Variants in SPATA17 observed in about 807,000 individuals in gnomAD.
The protein encoded by SPATA17 is spermatogenesis-associated protein 17.
SPATA17 carries 53 observed loss-of-function variants against 62.2 expected under a neutral mutation model. The ratio of observed to expected loss-of-function variants is 0.85; its 90% CI spans 0.68 to 1.07. The LOEUF (loss-of-function observed/expected upper bound fraction) is 1.07, where lower values mean the gene tolerates loss of function less well. Among genes scored for constraint, SPATA17 ranks in the 50% least tolerant of loss-of-function variants. The pLI is 0.00. For missense variants in SPATA17, 466 were observed against 425.5 expected, an observed-to-expected ratio of 1.10 and a Z score of -0.84; for synonymous variants, 146 against 146.8, an observed-to-expected ratio of 0.99 and a Z score of 0.04.
At chr1:217,683,631 G>A (rs144145988) in intron 5 of SPATA17, among the ~76,000 whole-genome samples, 21,013 of 151,884 alleles carry the variant, frequency 0.14, 1,534 homozygotes, top group Non-Finnish European at 0.16. Flanking sequence ...TAGTAGAGAC[G>A]GGGTTTCACC....
At position 217,669,051 on chromosome 1, in the gene SPATA17, A is replaced by G. The variant is rs776061835; in HGVS notation, c.259A>G (p.Met87Val). Residue 87 changes from methionine to valine, a missense_variant, in exon 4 of 11, where the codon ATG becomes GTG. Physicochemically the swap from Met to Val is conservative, Grantham distance 21 (BLOSUM62 1). Coordinates refer to ENST00000366933, the MANE Select transcript of SPATA17 (RefSeq NM_138796.4). The stretch of plus-strand genomic sequence containing the variant: ...TTCACAGGTAGCATATTATACTATG[A>G]TGATGAATCTCTACAATGCAATGGC... ...LTVQVAYYTM[M>V]MNLYNAMAVR... 6.2e-7 allele frequency: 1 copy of G among 1,611,838 alleles called. No individual in the cohort carries two copies. The highest frequency in any genetic ancestry group is 1.1e-5 in the South Asian group (1 of 90,576).
intron 9 of SPATA17, among the ~76,000 whole-genome samples, chr1:217,844,413 A>C (rs1050665155): frequency 6.6e-6 from 1 of 152,166 alleles, no homozygotes; most frequent in East Asian, 1.9e-4. Flanking sequence ...ATTTTGGCAC[A>C]TGCACCAAGG....
intron 1 of SPATA17, among the ~76,000 whole-genome samples, chr1:217,639,605 CAA>C (rs1326556025): frequency 2.6e-5 from 4 of 152,040 alleles, no homozygotes; most frequent in Admixed American, 1.3e-4. Flanking sequence ...TTAATTAAGA[CAA>C]ATTAATCTAG....
intron 4 of SPATA17, among the ~76,000 whole-genome samples, chr1:217,669,462 T>C (rs1485502648): frequency 6.6e-6 from 1 of 152,172 alleles, no homozygotes; most frequent in Non-Finnish European, 1.5e-5. Context: ...TTAGAAATTA[T>C]TCATATGATT....
At position 217,648,986 on chromosome 1, in the gene SPATA17, T is replaced by G; in HGVS notation, c.158+15T>G. ...GCATATATCAGGTATATTGCTTTTG[T>G]CATGGAAACCTCAGATATATCATAA... On this transcript the variant is annotated intron_variant, in intron 2 of 10. Transcript: ENST00000366933. 1 of 1,563,046 alleles carries G rather than the reference T, an allele frequency of 6.4e-7. No homozygotes were observed. The highest frequency in any genetic ancestry group is 1.4e-5 in the African/African-American group (1 of 73,376).
chr1:217,803,515 A>C (rs1186515664), intron 9 of SPATA17, among the ~76,000 whole-genome samples: 1 of 152,220 alleles, frequency 6.6e-6, no homozygotes, highest in Non-Finnish European at 1.5e-5. Context: ...ATAGGAATGA[A>C]TTTAACTAAG....
At chr1:217,826,069 C>T (rs1674994873) in intron 9 of SPATA17, among the ~76,000 whole-genome samples, 1 of 152,066 alleles carries the variant, frequency 6.6e-6, no homozygotes, top group Admixed American at 6.6e-5. Context: ...TAACAATATA[C>T]TACAGATGGG....
intron 9 of SPATA17, among the ~76,000 whole-genome samples, chr1:217,839,007 A>G (rs1005192456): frequency 1.3e-5 from 2 of 152,108 alleles, no homozygotes; most frequent in Non-Finnish European, 2.9e-5. Context: ...TCTAATATAA[A>G]TAAATAGGTG....
At position 217,770,933 on chromosome 1, in the gene SPATA17, G is replaced by A. The variant is rs1486549940; in HGVS notation, c.520-3401G>A. On this transcript the variant is annotated intron_variant, in intron 6 of 10. Coordinates refer to ENST00000366933, the MANE Select transcript of SPATA17 (RefSeq NM_138796.4). The stretch of plus-strand genomic sequence containing the variant: ...AAGTTCCCATGATGGAGAGTCTGAA[G>A]GGGGGAATTCAAGAAAAATATGTAT... Among the ~76,000 whole-genome samples the A allele has an allele frequency of 4.3e-5, 6 of 141,016 alleles. No individual in the cohort carries two copies. The East Asian group carries it at 1.3e-3, about 30-fold the overall frequency. 92.5% of individuals were successfully genotyped at this position (141,016 alleles called of 152,430 possible). A position where few individuals can be genotyped will look rare whatever the true frequency, so the allele number is the denominator to read the frequency against.
In SPATA17 at chr1:217,734,808, T is replaced by C. The variant is rs930305067; in HGVS notation, c.396-7167T>C. ...TGTGAAGTACATATTGTGTCTTCTT[T>C]GTAGTATATCATAGACCACCTCAGG... On this transcript the variant is annotated intron_variant, in intron 5 of 10. Transcript: ENST00000366933. Among the ~76,000 whole-genome samples, 7 of 152,220 alleles carry C rather than the reference T, an allele frequency of 4.6e-5. No individual in the cohort carries two copies. In the South Asian group the frequency reaches 1.2e-3, roughly 27 times the overall value.
intron 9 of SPATA17, among the ~76,000 whole-genome samples, chr1:217,844,975 T>C (rs1416735437): frequency 2.0e-5 from 3 of 152,142 alleles, no homozygotes; most frequent in Non-Finnish European, 4.4e-5. Context: ...AGCCAAATAC[T>C]ACATGCATAA....
chr1:217,654,735 T>C (rs1025204642), intron 3 of SPATA17, among the ~76,000 whole-genome samples: 35 of 150,874 alleles, frequency 2.3e-4, no homozygotes, highest in Non-Finnish European at 2.1e-4. Context: ...TTTTTTTTTT[T>C]AGACAGAGTC....
At chr1:217,748,062 G>A (rs1227320755) in intron 6 of SPATA17, among the ~76,000 whole-genome samples, 1 of 152,116 alleles carries the variant, frequency 6.6e-6, no homozygotes, top group African/African-American at 2.4e-5. Flanking sequence ...CCAGCACTTT[G>A]GGAGGCCGAG....
intron 5 of SPATA17, among the ~76,000 whole-genome samples, chr1:217,728,029 C>G (rs1479344573): frequency 6.6e-6 from 1 of 152,094 alleles, no homozygotes; most frequent in Non-Finnish European, 1.5e-5. Flanking sequence ...AAATCATTTA[C>G]AAAGTACCTG....
chr1:217,729,094 A>G (rs1175947132), intron 5 of SPATA17, among the ~76,000 whole-genome samples: 2 of 152,184 alleles, frequency 1.3e-5, no homozygotes, highest in African/African-American at 4.8e-5. Context: ...CAGTTTGCAT[A>G]TTTACTAAAT....
At chr1:217,637,204 T>C (rs145021466) in intron 1 of SPATA17, among the ~76,000 whole-genome samples, 142 of 152,294 alleles carry the variant, frequency 9.3e-4, no homozygotes, top group South Asian at 1.7e-3. Flanking sequence ...TATTTGATGT[T>C]TACAATAATC....
intron 2 of SPATA17, among the ~76,000 whole-genome samples, chr1:217,649,699 G>T (rs1440853420): frequency 6.7e-6 from 1 of 150,004 alleles, no homozygotes; most frequent in Non-Finnish European, 1.5e-5. Context: ...TATAAAAAGA[G>T]ACAGAAATTT....
intron 4 of SPATA17, among the ~76,000 whole-genome samples, chr1:217,671,161 A>T (rs1670824118): frequency 2.0e-5 from 3 of 152,136 alleles, no homozygotes. Flanking sequence ...CTCACAAATG[A>T]TTAGCTGAGT....
intron 9 of SPATA17, among the ~76,000 whole-genome samples, chr1:217,848,213 G>T (rs1279672888): frequency 6.7e-6 from 1 of 149,606 alleles, no homozygotes; most frequent in African/African-American, 2.5e-5. Flanking sequence ...ATGAAAAGTG[G>T]CAGACTGCTA....
Sources: allele counts gnomAD v4.1 joint callset (sites outside exome capture counted in the v4.1 genomes callset), GRCh38; gene constraint gnomAD v4.1.1; transcripts MANE v1.5; gene names NCBI Gene and HGNC (gene_info 2026-07-23, HGNC 2026-07-21).